Variants in SMARCA4 observed in about 807,000 individuals in gnomAD.
The protein encoded by SMARCA4 is SWI/SNF related BAF chromatin remodeling complex subunit ATPase 4.
SMARCA4 carries 31 observed loss-of-function variants against 193.9 expected under a neutral mutation model. The observed-to-expected ratio is 0.16, with a 90% CI of 0.12 to 0.22. The LOEUF is 0.22. Ranked by LOEUF, SMARCA4 falls within the 10% of genes least tolerant of loss-of-function variation. SMARCA4 has a pLI of 1.00. For synonymous variants in SMARCA4, 942 were observed against 933.1 expected, an observed-to-expected ratio of 1.01 and a Z score of -0.17; for missense variants, 1,148 against 2,296.0, an observed-to-expected ratio of 0.50 and a Z score of 10.22.
chr19:10,961,283 G>GA (rs1327286336), intron 1 of SMARCA4, 109 bp downstream of exon 1: 1 of 149,540 alleles, frequency 6.7e-6, no homozygotes, highest in Non-Finnish European at 1.5e-5. Context: ...CCTGTGCGGG[G>GA]CCGGGGTACG....
At chr19:11,014,272 G>A (rs2089149356) in intron 16 of SMARCA4, among the ~76,000 whole-genome samples, 1 of 152,142 alleles carries the variant, frequency 6.6e-6, no homozygotes, top group African/African-American at 2.4e-5. Context: ...AGACAGCCAG[G>A]CCCCATGGGT....
rs1331568912 is a variant in SMARCA4 at position 11,058,010 on chromosome 19, G to A, written c.4425-245G>A. Among the ~76,000 whole-genome samples, 1 of 151,940 alleles carries A rather than the reference G, an allele frequency of 6.6e-6. No homozygotes were observed. The highest frequency in any genetic ancestry group is 2.4e-5 in the African/African-American group (1 of 41,384). On this transcript the variant is annotated intron_variant, in intron 30 of 34. Transcript: ENST00000344626. The surrounding 1 kb of genome is among the most constrained non-coding windows in gnomAD (Gnocchi z 5.8). ...AATCCCAGTGACTCCAAAGGCTGAGGCAGGAGAATCTCCTGAACCTGGGAG... is the reference window on the plus strand; with the variant it reads ...AATCCCAGTGACTCCAAAGGCTGAGACAGGAGAATCTCCTGAACCTGGGAG...
chr19:11,035,892 A>G (rs1436044380), intron 29 of SMARCA4, among the ~76,000 whole-genome samples: 1 of 152,234 alleles, frequency 6.6e-6, no homozygotes, highest in Non-Finnish European at 1.5e-5. Context: ...TATAGAGACG[A>G]TGATTCAGAA....
At chr19:10,970,325 A>G (rs991487192) in intron 1 of SMARCA4, among the ~76,000 whole-genome samples, 1 of 152,146 alleles carries the variant, frequency 6.6e-6, no homozygotes, top group African/African-American at 2.4e-5. Context: ...CAAATCGAGG[A>G]GGGGGTTGTG....
chr19:10,998,503 CTT>C (rs60264578), intron 11 of SMARCA4, among the ~76,000 whole-genome samples: 64 of 137,778 alleles, frequency 4.6e-4, no homozygotes, highest in Admixed American at 8.0e-4. Flanking sequence ...CTTTTAGTAT[CTT>C]TTTTTTTTTT....
chr19:11,011,213 T>G (rs571527379), intron 15 of SMARCA4: 1 of 153,386 alleles, frequency 6.5e-6, no homozygotes, highest in African/African-American at 2.4e-5. Flanking sequence ...GTTTTCAATT[T>G]GGTTGTTTCT....
At chr19:11,029,091 G>T (rs972222692) in intron 24 of SMARCA4, among the ~76,000 whole-genome samples, 1 of 152,240 alleles carries the variant, frequency 6.6e-6, no homozygotes, top group African/African-American at 2.4e-5. Context: ...ACAGACACGA[G>T]TCTGTTGCAG....
In SMARCA4 at chr19:11,003,122, G is replaced by C. The variant is rs1600133106; in HGVS notation, c.1906G>C (p.Ala636Pro). ...KILTGTDAPK[A>P]GQLEAWLEMN... ...CCTCACAGGCACAGATGCCCCCAAA[G>C]CCGGGCAGCTGGAGGCCTGGCTCGA... Residue 636 changes from alanine to proline, a missense_variant, in exon 12 of 35, where the codon GCC becomes CCC. Ala to Pro is a conservative substitution (Grantham distance 27). This residue lies in a region of SMARCA4 where 115 missense variants were observed against 175.1 expected (regional missense o/e 0.66). Coordinates refer to ENST00000344626, the MANE Select transcript of SMARCA4 (RefSeq NM_003072.5). 1 of 1,614,178 alleles carries C rather than the reference G, an allele frequency of 6.2e-7. No homozygotes were observed. The highest frequency in any genetic ancestry group is 8.5e-7 in the Non-Finnish European group (1 of 1,180,028).
At chr19:10,972,129 T>A (rs1244361082) in intron 1 of SMARCA4, among the ~76,000 whole-genome samples, 1 of 152,124 alleles carries the variant, frequency 6.6e-6, no homozygotes, top group African/African-American at 2.4e-5. Context: ...CGGCTAATTT[T>A]TGTATTTTTA....
At chr19:11,043,065 C>A (rs979966605) in intron 30 of SMARCA4, among the ~76,000 whole-genome samples, 1 of 148,620 alleles carries the variant, frequency 6.7e-6, no homozygotes, top group African/African-American at 2.5e-5. Flanking sequence ...CCAAGGCGGG[C>A]GGATCACTTG....
At chr19:11,052,645 G>C (rs1244986352) in intron 30 of SMARCA4, among the ~76,000 whole-genome samples, 1 of 152,220 alleles carries the variant, frequency 6.6e-6, no homozygotes, top group Non-Finnish European at 1.5e-5. Context: ...TTCTGACTCA[G>C]AGCCACTCAG....
chr19:10,967,725 C>G (rs1008534648), intron 1 of SMARCA4, among the ~76,000 whole-genome samples: 12 of 140,540 alleles, frequency 8.5e-5, no homozygotes, highest in African/African-American at 2.9e-4. Flanking sequence ...ACTCTTTTCT[C>G]CCAGGCTGGA....
chr19:10,995,090 G>T (rs1425321182), intron 9 of SMARCA4, 89 bp downstream of exon 9: 2 of 1,225,058 alleles, frequency 1.6e-6, no homozygotes, highest in Non-Finnish European at 2.4e-6. Flanking sequence ...TTACGCCAAG[G>T]CATTTCACAG....
rs1201950108 is a variant in SMARCA4, at chr19:11,033,841, C to T, written c.3849C>T (p.Pro1283=). ...HTAPPPAGVN[P]DLEEPPLKEE... is the part of the protein sequence containing the mutation. The stretch of plus-strand genomic sequence containing the variant: ...CCCCTCCGCCAGCGGGCGTCAACCC[C>T]GACTTGGAGGAGCCACCTCTAAAGG... Residue 1283 remains proline, a synonymous_variant, in exon 27 of 35, where the codon CCC becomes CCT. Transcript: ENST00000344626. The surrounding 1 kb of genome is among the most constrained non-coding windows in gnomAD (Gnocchi z 9.8). 2.6e-6 allele frequency: 2 copies of T among 779,560 alleles called. No homozygotes were observed. The highest frequency in any genetic ancestry group is 4.8e-6 in the Non-Finnish European group (2 of 418,168). The allele number at this position is 779,560 out of a possible 1,614,324, so 48.3% of individuals were successfully genotyped here. A position where few individuals can be genotyped will look rare whatever the true frequency, so the allele number is the denominator to read the frequency against.
At chr19:10,973,551 C>T (rs1250226078) in intron 1 of SMARCA4, among the ~76,000 whole-genome samples, 1 of 151,346 alleles carries the variant, frequency 6.6e-6, no homozygotes, top group East Asian at 1.9e-4. Flanking sequence ...CAGGCCCCCG[C>T]CACCACGCCC....
In SMARCA4 at chr19:11,035,001, A is replaced by G. The variant is rs771737529; in HGVS notation, c.4039A>G (p.Ile1347Val). Residue 1347 changes from isoleucine to valine, a missense_variant, in exon 29 of 35, where the codon ATC becomes GTC. Coordinates refer to ENST00000344626, the MANE Select transcript of SMARCA4 (RefSeq NM_003072.5). ...LMEEDELPSW[I>V]IKDDAEVERL... The stretch of plus-strand genomic sequence containing the variant: ...GGAGGAGGACGAGCTCCCCTCGTGG[A>G]TCATCAAGGACGACGCGGAGGTGGA... The G allele has an allele frequency of 6.2e-7, 1 of 1,611,500 alleles. No individual in the cohort carries two copies. Among genetic ancestry groups the G allele is most frequent in the South Asian group, 1.1e-5 (1 of 90,720 alleles).
Position 11,002,909 on chromosome 19 carries a change from C to G in SMARCA4, c.1813-120C>G, listed in dbSNP as rs1327787727. The G allele has an allele frequency of 7.6e-6, 8 of 1,048,528 alleles. 1 individual carries two copies. Among genetic ancestry groups the G allele is most frequent in the Non-Finnish European group, 1.2e-5 (8 of 674,978 alleles). The allele number at this position is 1,048,528 out of a possible 1,614,324, so 65.0% of individuals were successfully genotyped here. A position where few individuals can be genotyped will look rare whatever the true frequency, so the allele number is the denominator to read the frequency against. On this transcript the variant is annotated intron_variant, in intron 11 of 34. Transcript: ENST00000344626. ...AGTTTACGCATTTTCCCACCACTGG[C>G]CATGTTTGCCTGCCATTTTCTGTGC...
Position 11,024,320 on chromosome 19 carries a change from G to A in SMARCA4, c.2974-11G>A, listed in dbSNP as rs901539613. 6.3e-7 allele frequency: 1 copy of A among 1,595,988 alleles called. No homozygotes were observed. Among genetic ancestry groups the A allele is most frequent in the South Asian group, 1.1e-5 (1 of 90,768 alleles). ...CCTTGGGCCCTCGTGAGCATTATGT[G>A]TCCCCTGCAGGTGGAGTACGTCATC... On this transcript the variant is annotated splice_polypyrimidine_tract_variant and intron_variant, in intron 20 of 34. Coordinates refer to ENST00000344626, the MANE Select transcript of SMARCA4 (RefSeq NM_003072.5).
intron 1 of SMARCA4, chr19:10,961,855 C>G (rs978988678): frequency 1.3e-5 from 2 of 152,116 alleles, no homozygotes; most frequent in Admixed American, 6.6e-5. Context: ...AAAAGCATTG[C>G]TTTTCTTTTG....
Sources: allele counts gnomAD v4.1 joint callset (sites outside exome capture counted in the v4.1 genomes callset), GRCh38; gene constraint gnomAD v4.1.1; regional missense constraint gnomAD v4.1.1; non-coding constraint Gnocchi (gnomAD v3.1); transcripts MANE v1.5; gene names NCBI Gene and HGNC (gene_info 2026-07-23, HGNC 2026-07-21).